The following S1PR1 variants were observed in gnomAD, a reference collection of about 807,000 sequenced individuals.
S1PR1 encodes the protein sphingosine-1-phosphate receptor 1.
S1PR1 carries 2 observed loss-of-function variants against 18.3 expected under a neutral mutation model. That is an observed-to-expected ratio of 0.11 (90% CI 0.04 to 0.34). S1PR1 has a LOEUF of 0.34. Ranked by LOEUF, S1PR1 falls within the 10% of genes least tolerant of loss-of-function variation. The probability of loss-of-function intolerance (pLI) is 1.00; values close to 1 mark genes in which losing one functional copy is unlikely to be tolerated. For missense variants in S1PR1, 335 were observed against 493.8 expected (o/e 0.68, Z 3.05); for synonymous variants, 222 against 211.2 (o/e 1.05, Z -0.44).
rs199824345 is a variant in S1PR1 at position 101,241,210 on chromosome 1, C to T, written c.*1077C>T. ...TGGATTTTTCTAACCCGTGTTAACA[C>T]CATTGAATGTGTATTTCTTAAGAAA... is the stretch of plus-strand genomic sequence containing the variant. On this transcript the variant is annotated 3_prime_UTR_variant, in exon 2 of 2. Transcript: ENST00000305352. The T allele has an allele frequency of 2.5e-4, 42 of 167,164 alleles. No homozygotes were observed. Among genetic ancestry groups the T allele is most frequent in the Non-Finnish European group, 4.8e-4 (33 of 68,110 alleles). 10.4% of individuals were successfully genotyped at this position (167,164 alleles called of 1,614,324 possible).
downstream of S1PR1, among the ~76,000 whole-genome samples, chr1:101,241,910 A>G (rs1332393067): frequency 6.6e-6 from 1 of 152,202 alleles, no homozygotes; most frequent in Non-Finnish European, 1.5e-5. Context: ...GATGAGACTC[A>G]ATCATCATTC....
At chr1:101,238,749 G>A (rs1652788904) in intron 1 of S1PR1, 73 bp from the exon 2 acceptor site, 2 of 535,228 alleles carry the variant, frequency 3.7e-6, no homozygotes, top group East Asian at 5.9e-5. Flanking sequence ...AATTGGAGCA[G>A]TGCCTTAGCT....
chr1:101,238,355 C>T (rs1652773892), intron 1 of S1PR1: 1 of 151,742 alleles, frequency 6.6e-6, no homozygotes, highest in Admixed American at 6.6e-5. Flanking sequence ...CGAGGAGAGA[C>T]GTGGGCTGGT....
chr1:101,239,205 A>G lies in S1PR1; in HGVS notation c.221A>G (p.Lys74Arg), dbSNP rs1169796870. Reference protein sequence around the residue: ...IFVLLTIWKTKKFHRPMYYFI... With the variant: ...IFVLLTIWKTRKFHRPMYYFI... ...GTCTTGCTGACCATTTGGAAAACCAAGAAATTCCACCGACCCATGTACTAT... is the reference window on the plus strand; with the variant it reads ...GTCTTGCTGACCATTTGGAAAACCAGGAAATTCCACCGACCCATGTACTAT... Residue 74 changes from lysine to arginine, a missense_variant, in exon 2 of 2, where the codon AAG (lysine) becomes AGG (arginine). By Grantham distance (26) the Lys-to-Arg change is conservative (BLOSUM62 2). Transcript: ENST00000305352. This position sits in a 1 kb window ranked among gnomAD's most constrained non-coding sequence, Gnocchi z 6.3. 1 of 1,614,230 alleles carries G rather than the reference A, an allele frequency of 6.2e-7. No homozygotes were observed. Among genetic ancestry groups the G allele is most frequent in the South Asian group, 1.1e-5 (1 of 91,082 alleles).
chr1:101,241,455 T>G lies in S1PR1; in HGVS notation c.*1322T>G, dbSNP rs1652906398. The G allele has an allele frequency of 6.0e-6, 1 of 167,370 alleles. No homozygotes were observed. The allele number at this position is 167,370 out of a possible 1,614,324, so 10.4% of individuals were successfully genotyped here. On this transcript the variant is annotated 3_prime_UTR_variant, in exon 2 of 2. Transcript: ENST00000305352. Reference sequence around the variant, plus strand: ...TAGTATTTAATAGGTTTCTGACTTTTGTGGATCATTTTGCACATAGCTTTA... The same window carrying G: ...TAGTATTTAATAGGTTTCTGACTTTGGTGGATCATTTTGCACATAGCTTTA...
intron 1 of S1PR1, among the ~76,000 whole-genome samples, chr1:101,237,751 AG>A (rs1652756638): frequency 6.6e-6 from 1 of 152,208 alleles, no homozygotes; most frequent in Non-Finnish European, 1.5e-5. Context: ...GCAATGCACC[AG>A]GGAGCAGTTT....
In S1PR1 at chr1:101,240,743, G is replaced by A. The variant is rs963110296; in HGVS notation, c.*610G>A. On this transcript the variant is annotated 3_prime_UTR_variant, in exon 2 of 2. Transcript: ENST00000305352. ...GCTGTGGGAAGATGAAGATGGTTTGGAGGTGTAAAACAATGTCCTTCGCTG... is the reference window on the plus strand; with the variant it reads ...GCTGTGGGAAGATGAAGATGGTTTGAAGGTGTAAAACAATGTCCTTCGCTG... 1.2e-5 allele frequency: 2 copies of A among 167,804 alleles called. No homozygotes were observed. Among genetic ancestry groups the A allele is most frequent in the African/African-American group, 4.8e-5 (2 of 41,460 alleles). The allele number at this position is 167,804 out of a possible 1,614,324, so 10.4% of individuals were successfully genotyped here.
At position 101,241,251 on chromosome 1, in the gene S1PR1, G is replaced by T. The variant is rs201803797; in HGVS notation, c.*1118G>T. On this transcript the variant is annotated 3_prime_UTR_variant, in exon 2 of 2. Coordinates refer to ENST00000305352, the MANE Select transcript of S1PR1 (RefSeq NM_001400.5). The stretch of plus-strand genomic sequence containing the variant: ...TCTTAAGAAAATACCACCCTCTTGT[G>T]CCCTTAAAAGCATTACTTTAACTGG... 1 of 167,094 alleles carries T rather than the reference G, an allele frequency of 6.0e-6. No homozygotes were observed. The allele number at this position is 167,094 out of a possible 1,614,324, so 10.4% of individuals were successfully genotyped here.
chr1:101,237,263 A>G (rs1652716481), intron 1 of S1PR1, among the ~76,000 whole-genome samples, 164 bp downstream of exon 1: 1 of 152,208 alleles, frequency 6.6e-6, no homozygotes, highest in Non-Finnish European at 1.5e-5. Flanking sequence ...TAAGGAGCCC[A>G]TCTCGATCAG....
In S1PR1 at chr1:101,240,198, A is replaced by G; in HGVS notation, c.*65A>G. ...GGTCGCTGGCCACCCCAGTGTTTGG[A>G]AAAAAATCTCTGGGCTTCGACTGCT... On this transcript the variant is annotated 3_prime_UTR_variant, in exon 2 of 2. Transcript: ENST00000305352. 1 of 1,559,006 alleles carries G rather than the reference A, an allele frequency of 6.4e-7. No homozygotes were observed. The highest frequency in any genetic ancestry group is 8.7e-7 in the Non-Finnish European group (1 of 1,143,382).
rs562023337 is a variant in S1PR1 at position 101,239,344 on chromosome 1, G to A, written c.360G>A (p.Arg120=). The part of the protein sequence containing the change: ...YKLTPAQWFL[R]EGSMFVALSA... ...TCACTCCCGCCCAGTGGTTTCTGCGGGAAGGGAGTATGTTTGTGGCCCTGT... is the reference window on the plus strand; with the variant it reads ...TCACTCCCGCCCAGTGGTTTCTGCGAGAAGGGAGTATGTTTGTGGCCCTGT... Residue 120 remains arginine (R), a synonymous_variant, in exon 2 of 2, where the codon CGG becomes CGA. Transcript: ENST00000305352. The surrounding 1 kb of genome is among the most constrained non-coding windows in gnomAD (Gnocchi z 6.3). The A allele has an allele frequency of 6.2e-7, 1 of 1,614,212 alleles. No homozygotes were observed. Among genetic ancestry groups the A allele is most frequent in the South Asian group, 1.1e-5 (1 of 91,086 alleles).
In S1PR1 at chr1:101,239,942, C is replaced by T. The variant is rs991046239; in HGVS notation, c.958C>T (p.Arg320Trp). Residue 320 changes from arginine to tryptophan, a missense_variant, in exon 2 of 2, where the codon CGG (arginine) becomes TGG (tryptophan). Around this residue, in one of 3 missense-constraint regions of S1PR1, gnomAD observed 90 missense variants for 97.6 expected, o/e 0.92. Transcript: ENST00000305352. This position sits in a 1 kb window ranked among gnomAD's most constrained non-coding sequence, Gnocchi z 6.3. ...IYTLTNKEMRRAFIRIMSCCK... is the reference protein window; with the variant it reads ...IYTLTNKEMRWAFIRIMSCCK... The stretch of plus-strand genomic sequence containing the variant: ...CACTCTGACCAACAAGGAGATGCGT[C>T]GGGCCTTCATCCGGATCATGTCCTG... 9.9e-6 allele frequency: 16 copies of T among 1,613,988 alleles called. No homozygotes were observed. The highest frequency in any genetic ancestry group is 2.2e-5 in the East Asian group (1 of 44,886).
At position 101,239,409 on chromosome 1, in the gene S1PR1, G is replaced by A; in HGVS notation, c.425G>A (p.Arg142His). The stretch of plus-strand genomic sequence containing the variant: ...AGTCTCCTCGCCATCGCCATTGAGC[G>A]CTATATCACAATGCTGAAAATGAAA... ...VFSLLAIAIE[R>H]YITMLKMKLH... Residue 142 changes from arginine to histidine, a missense_variant, in exon 2 of 2, where the codon CGC becomes CAC. This residue lies in a region of S1PR1 where 214 missense variants were observed against 366.6 expected (regional missense o/e 0.58). Transcript: ENST00000305352. The surrounding 1 kb of genome is among the most constrained non-coding windows in gnomAD (Gnocchi z 6.3). The A allele has an allele frequency of 6.2e-7, 1 of 1,614,152 alleles. No homozygotes were observed. The highest frequency in any genetic ancestry group is 8.5e-7 in the Non-Finnish European group (1 of 1,180,028).
rs757186481 is a variant in S1PR1, at chr1:101,239,389, C to T, written c.405C>T (p.Leu135=). 3 of 1,614,096 alleles carry T rather than the reference C, an allele frequency of 1.9e-6. No homozygotes were observed. The highest frequency in any genetic ancestry group is 3.3e-5 in the Admixed American group (2 of 60,002). ...FVALSASVFS[L]LAIAIERYIT... is the part of the protein sequence containing the mutation. ...CCCTGTCAGCCTCCGTGTTCAGTCT[C>T]CTCGCCATCGCCATTGAGCGCTATA... Residue 135 remains leucine, a synonymous_variant, in exon 2 of 2, where the codon CTC becomes CTT. Coordinates refer to ENST00000305352, the MANE Select transcript of S1PR1 (RefSeq NM_001400.5). This position sits in a 1 kb window ranked among gnomAD's most constrained non-coding sequence, Gnocchi z 6.3.
downstream of S1PR1, among the ~76,000 whole-genome samples, chr1:101,242,054 A>G (rs2100885393): frequency 7.0e-6 from 1 of 143,342 alleles, no homozygotes; most frequent in Non-Finnish European, 1.5e-5. Flanking sequence ...CTCCCAGCCT[A>G]TCTTCTGAAC....
intron 1 of S1PR1, among the ~76,000 whole-genome samples, chr1:101,238,516 C>T (rs1304730436): frequency 2.7e-5 from 4 of 149,160 alleles, no homozygotes; most frequent in Non-Finnish European, 5.9e-5. Flanking sequence ...TCCTTGTTTT[C>T]CTTTTCATCA....
At position 101,239,831 on chromosome 1, in the gene S1PR1, A is replaced by T. The variant is rs760714388; in HGVS notation, c.847A>T (p.Lys283Ter). Residue 283 changes from lysine to a stop codon, truncating the protein, a stop_gained, in exon 2 of 2, where the codon AAG becomes TAG. Transcript: ENST00000305352. LOFTEE classifies it high-confidence loss of function. The surrounding 1 kb of genome is among the most constrained non-coding windows in gnomAD (Gnocchi z 6.3). ...CCTGCTCCTGCTGGATGTGGGCTGC[A>T]AGGTGAAGACCTGTGACATCCTCTT... Reference protein sequence around the residue: ...FILLLLDVGCKVKTCDILFRA... With the variant: ...FILLLLDVGC The T allele has an allele frequency of 6.2e-7, 1 of 1,613,774 alleles. No individual in the cohort carries two copies. The highest frequency in any genetic ancestry group is 8.5e-7 in the Non-Finnish European group (1 of 1,180,018).
In S1PR1 at chr1:101,240,411, T is replaced by C. The variant is rs1030017294; in HGVS notation, c.*278T>C. ...TTGATTTTGCACTGAGCCAAAGGTC[T>C]AGCATTGTCAAGCTCCTAAAGGGTT... On this transcript the variant is annotated 3_prime_UTR_variant, in exon 2 of 2. Transcript: ENST00000305352. 1.2e-5 allele frequency: 6 copies of C among 504,164 alleles called. No homozygotes were observed. The highest frequency in any genetic ancestry group is 1.9e-5 in the African/African-American group (1 of 51,778). The allele number at this position is 504,164 out of a possible 1,614,324, so 31.2% of individuals were successfully genotyped here.
chr1:101,239,327 G>A lies in S1PR1; in HGVS notation c.343G>A (p.Ala115Thr), dbSNP rs11542632. 2.5e-6 allele frequency: 4 copies of A among 1,614,136 alleles called. No individual in the cohort carries two copies. The highest frequency in any genetic ancestry group is 2.2e-5 in the East Asian group (1 of 44,886). ...SGATTYKLTP[A>T]QWFLREGSMF... ...GGCCACCACCTACAAGCTCACTCCC[G>A]CCCAGTGGTTTCTGCGGGAAGGGAG... The change falls in exon 2 of 2, where the codon GCC becomes ACC. Residue 115 changes from alanine to threonine, a missense_variant. Ala to Thr is a moderately conservative substitution (Grantham distance 58). Around this residue, in one of 3 missense-constraint regions of S1PR1, gnomAD observed 214 missense variants for 366.6 expected, o/e 0.58. Coordinates refer to ENST00000305352, the MANE Select transcript of S1PR1 (RefSeq NM_001400.5). The surrounding 1 kb of genome is among the most constrained non-coding windows in gnomAD (Gnocchi z 6.3).
Sources: allele counts gnomAD v4.1 joint callset (sites outside exome capture counted in the v4.1 genomes callset), GRCh38; gene constraint gnomAD v4.1.1; regional missense constraint gnomAD v4.1.1; non-coding constraint Gnocchi (gnomAD v3.1); transcripts MANE v1.5; gene names NCBI Gene and HGNC (gene_info 2026-07-23, HGNC 2026-07-21).